The following ASIC2 variants were observed in gnomAD, a reference collection of about 807,000 sequenced individuals.
The protein encoded by ASIC2 is acid sensing ion channel subunit 2, also known as acid-sensing ion channel 2.
ASIC2 carries 25 observed loss-of-function variants against 57.3 expected under a neutral mutation model. The ratio of observed to expected loss-of-function variants is 0.44; its 90% CI spans 0.32 to 0.61. The LOEUF (loss-of-function observed/expected upper bound fraction) is 0.61, where lower values mean the gene tolerates loss of function less well. Among genes scored for constraint, ASIC2 ranks in the 20% least tolerant of loss-of-function variants. ASIC2 has a pLI of 0.06. For synonymous variants in ASIC2, 319 were observed against 307.5 expected, an observed-to-expected ratio of 1.04 and a Z score of -0.39; for missense variants, 641 against 738.1, an observed-to-expected ratio of 0.87 and a Z score of 1.52.
chr17:33,540,665 G>A (rs1229767222), intron 1 of ASIC2, among the ~76,000 whole-genome samples: 1 of 152,162 alleles, frequency 6.6e-6, no homozygotes, highest in Non-Finnish European at 1.5e-5. Context: ...TCTCTCAAGA[G>A]TACTTTCCTA....
chr17:33,841,695 G>C (rs1403683882), intron 1 of ASIC2, among the ~76,000 whole-genome samples: 2 of 152,212 alleles, frequency 1.3e-5, no homozygotes, highest in African/African-American at 4.8e-5. Context: ...CCCCAAGAGA[G>C]GGAGGCATCA....
intron 1 of ASIC2, among the ~76,000 whole-genome samples, chr17:33,195,480 G>A (rs938954996): frequency 5.9e-5 from 9 of 152,108 alleles, no homozygotes. Flanking sequence ...TGTGAATGAG[G>A]ATCATGATAG....
chr17:33,088,776 G>A, intron 3 of ASIC2, 87 bp downstream of exon 3: 1 of 1,458,580 alleles, frequency 6.9e-7, no homozygotes, highest in Non-Finnish European at 9.1e-7. Context: ...CCTTGACCGA[G>A]TGGGAATTCC....
chr17:33,803,596 T>C (rs1013419453), intron 1 of ASIC2, among the ~76,000 whole-genome samples: 5 of 150,754 alleles, frequency 3.3e-5, no homozygotes, highest in African/African-American at 4.8e-5. Context: ...CTTTTTTTTT[T>C]TTTTTTTTTT....
chr17:33,728,973 G>A (rs970711178), intron 1 of ASIC2, among the ~76,000 whole-genome samples: 2 of 152,042 alleles, frequency 1.3e-5, no homozygotes, highest in African/African-American at 2.4e-5. Context: ...CATCACCCCC[G>A]ACAACATAAT....
chr17:33,024,938 C>T (rs975897860), intron 5 of ASIC2, among the ~76,000 whole-genome samples: 1 of 152,174 alleles, frequency 6.6e-6, no homozygotes, highest in Non-Finnish European at 1.5e-5. Context: ...TGAATAAAGA[C>T]TTCCTTACCA....
At chr17:34,095,654 T>TATAA (rs1180575705) in intron 1 of ASIC2, among the ~76,000 whole-genome samples, 4 of 93,004 alleles carry the variant, frequency 4.3e-5, no homozygotes, top group African/African-American at 2.4e-4. Context: ...TATATATATA[T>TATAA]AATTTTATAT....
Position 34,039,667 on chromosome 17 carries a change from G to A in ASIC2, c.555+116311C>T, listed in dbSNP as rs1043744896. 49 of 1,612,404 alleles carry A rather than the reference G, an allele frequency of 3.0e-5. No individual in the cohort carries two copies. In the African/African-American group the frequency reaches 6.4e-4, roughly 21 times the overall value. On this transcript the variant is annotated intron_variant, in intron 1 of 9. Coordinates refer to the ASIC2 transcript ENST00000359872. ...GCCTTTCCCTTGGCTACTTTCATATGGTTCAGCTTTTCTTTTCCGATTTCG... is the reference window on the plus strand; with the variant it reads ...GCCTTTCCCTTGGCTACTTTCATATAGTTCAGCTTTTCTTTTCCGATTTCG...
At chr17:33,133,305 G>A (rs1567757238) in intron 1 of ASIC2, among the ~76,000 whole-genome samples, 1 of 152,214 alleles carries the variant, frequency 6.6e-6, no homozygotes, top group Non-Finnish European at 1.5e-5. Flanking sequence ...AATGCGAGGG[G>A]TGCTCTGGGA....
intron 1 of ASIC2, among the ~76,000 whole-genome samples, chr17:33,964,612 A>G (rs1035743673): frequency 3.9e-5 from 6 of 152,332 alleles, no homozygotes; most frequent in African/African-American, 1.4e-4. Flanking sequence ...TTTCACTTTC[A>G]TCCTTGTGTC....
At chr17:33,379,571 C>T (rs947563012) in intron 1 of ASIC2, among the ~76,000 whole-genome samples, 2 of 152,212 alleles carry the variant, frequency 1.3e-5, no homozygotes, top group Admixed American at 6.5e-5. Context: ...CACACTCACA[C>T]CTTTTGCCTC....
At chr17:34,101,712 T>A (rs898211292) in intron 1 of ASIC2, among the ~76,000 whole-genome samples, 3 of 152,336 alleles carry the variant, frequency 2.0e-5, no homozygotes, top group Non-Finnish European at 2.9e-5. Context: ...AAACAATATG[T>A]AAGTCTCCGT....
intron 1 of ASIC2, among the ~76,000 whole-genome samples, chr17:33,516,481 A>G (rs1258042845): frequency 6.6e-6 from 1 of 151,952 alleles, no homozygotes; most frequent in East Asian, 1.9e-4. Flanking sequence ...CAGTAATGGC[A>G]CTCAACCTAA....
chr17:34,042,941 A>G (rs1908192461), intron 1 of ASIC2, among the ~76,000 whole-genome samples: 1 of 152,236 alleles, frequency 6.6e-6, no homozygotes, highest in Non-Finnish European at 1.5e-5. Flanking sequence ...TTTGCAGAAT[A>G]CTATATAGCA....
intron 1 of ASIC2, among the ~76,000 whole-genome samples, chr17:33,347,421 C>T (rs992535412): frequency 2.0e-5 from 3 of 152,106 alleles, no homozygotes; most frequent in Non-Finnish European, 2.9e-5. Context: ...GGCAAGTGAA[C>T]CTACTAGGAG....
intron 1 of ASIC2, among the ~76,000 whole-genome samples, chr17:33,502,546 G>A (rs1914131794): frequency 1.3e-5 from 2 of 152,212 alleles, no homozygotes; most frequent in South Asian, 4.1e-4. Flanking sequence ...CAGTCCATCT[G>A]TGCTTCCAGG....
At chr17:33,333,113 G>A (rs1907382329) in intron 1 of ASIC2, among the ~76,000 whole-genome samples, 1 of 152,164 alleles carries the variant, frequency 6.6e-6, no homozygotes, top group East Asian at 1.9e-4. Context: ...CCTTACTTTG[G>A]CAGGGTGATT....
At chr17:33,516,296 A>C (rs1474644722) in intron 1 of ASIC2, among the ~76,000 whole-genome samples, 1 of 152,124 alleles carries the variant, frequency 6.6e-6, no homozygotes, top group Non-Finnish European at 1.5e-5. Context: ...CATCACTCAC[A>C]TAGAAATTAC....
chr17:33,601,578 A>C (rs1444755615), intron 1 of ASIC2, among the ~76,000 whole-genome samples: 1 of 152,194 alleles, frequency 6.6e-6, no homozygotes, highest in African/African-American at 2.4e-5. Flanking sequence ...TTAGATTTCA[A>C]ATAATGTATT....
Sources: gnomAD v4.1 joint callset for allele counts (sites outside exome capture counted in the v4.1 genomes callset) on GRCh38, gnomAD v4.1.1 for gene constraint, MANE v1.5 for transcripts, NCBI Gene and HGNC (gene_info 2026-07-23, HGNC 2026-07-21) for gene names.